SH3PXD2A: variants seen among roughly 807,000 people sequenced by gnomAD.
SH3PXD2A encodes SH3 and PX domains 2A.
In SH3PXD2A, 32 loss-of-function variants were observed where a neutral mutation model predicts 115.2. The observed-to-expected ratio is 0.28, with a 90% CI of 0.21 to 0.37. The LOEUF (loss-of-function observed/expected upper bound fraction) is 0.37, where lower values mean the gene tolerates loss of function less well. SH3PXD2A is among the 10% of genes least tolerant of loss of function. SH3PXD2A has a pLI of 1.00. For missense variants in SH3PXD2A, 1,328 were observed against 1,498.7 expected, an observed-to-expected ratio of 0.89 and a Z score of 1.88; for synonymous variants, 610 against 629.1, an observed-to-expected ratio of 0.97 and a Z score of 0.45.
intron 2 of SH3PXD2A, among the ~76,000 whole-genome samples, chr10:103,768,679 A>G (rs1343006546): frequency 6.6e-6 from 1 of 152,174 alleles, no homozygotes; most frequent in African/African-American, 2.4e-5. Flanking sequence ...AAGCAGGGAG[A>G]CCAGTTAGGA....
chr10:103,695,462 T>G (rs1379404703), intron 5 of SH3PXD2A, among the ~76,000 whole-genome samples: 3 of 148,472 alleles, frequency 2.0e-5, no homozygotes, highest in African/African-American at 7.5e-5. Context: ...TGGGCTGTGG[T>G]GGTGCCACTG....
chr10:103,720,878 C>T (rs1032570329), intron 5 of SH3PXD2A, among the ~76,000 whole-genome samples: 4 of 152,134 alleles, frequency 2.6e-5, no homozygotes, highest in Admixed American at 6.5e-5. Context: ...GTCCTGGAGG[C>T]GGAGCAGAGA....
At chr10:103,835,731 T>C (rs2039532757) in intron 1 of SH3PXD2A, among the ~76,000 whole-genome samples, 1 of 152,126 alleles carries the variant, frequency 6.6e-6, no homozygotes, top group Non-Finnish European at 1.5e-5. Flanking sequence ...TACCCTCCTC[T>C]GGGTCACAAC....
At chr10:103,733,678 A>T (rs2038349004) in intron 4 of SH3PXD2A, among the ~76,000 whole-genome samples, 1 of 152,276 alleles carries the variant, frequency 6.6e-6, no homozygotes, top group South Asian at 2.1e-4. Context: ...ACTTCAGTTT[A>T]ATGAAGACTA....
At chr10:103,775,562 G>A (rs1256219389) in intron 2 of SH3PXD2A, among the ~76,000 whole-genome samples, 1 of 152,234 alleles carries the variant, frequency 6.6e-6, no homozygotes, top group East Asian at 1.9e-4. Context: ...AGGAATGGCA[G>A]GGACTTATGC....
chr10:103,808,633 G>A (rs1469006894), intron 1 of SH3PXD2A, among the ~76,000 whole-genome samples: 1 of 152,132 alleles, frequency 6.6e-6, no homozygotes, highest in African/African-American at 2.4e-5. Context: ...CACTAGCCTG[G>A]CGAGTCTGTG....
intron 5 of SH3PXD2A, among the ~76,000 whole-genome samples, chr10:103,703,601 C>G (rs2037945950): frequency 1.4e-5 from 2 of 143,130 alleles, no homozygotes; most frequent in African/African-American, 4.9e-5. Flanking sequence ...CTCAAAGGAG[C>G]TGTCCAGTAG....
intron 6 of SH3PXD2A, among the ~76,000 whole-genome samples, chr10:103,692,695 C>A (rs114659643): frequency 0.027 from 4,143 of 152,250 alleles, 196 homozygotes; most frequent in African/African-American, 0.093. Context: ...GGTGAAGGAC[C>A]CGGCTGCTCA....
chr10:103,835,666 G>A (rs145709271), intron 1 of SH3PXD2A, among the ~76,000 whole-genome samples: 3 of 152,078 alleles, frequency 2.0e-5, no homozygotes, highest in Non-Finnish European at 4.4e-5. Context: ...TCTTTTGGCC[G>A]CCCCCCCAAC....
rs1372399801 is a variant in SH3PXD2A at position 103,665,804 on chromosome 10, G to A, written c.472+2804C>T. ...CTGAGTGGGGAGGGGGCAGTGGAGG[G>A]AGCCTGGTGTCTTTAGATGAGGAGT... On this transcript the variant is annotated intron_variant, in intron 7 of 14. Transcript: ENST00000369774. This position sits in a 1 kb window ranked among gnomAD's most constrained non-coding sequence, Gnocchi z 4.0. Among the ~76,000 whole-genome samples the A allele has an allele frequency of 2.0e-5, 3 of 152,204 alleles. No individual in the cohort carries two copies. The highest frequency in any genetic ancestry group is 7.2e-5 in the African/African-American group (3 of 41,452).
intron 8 of SH3PXD2A, among the ~76,000 whole-genome samples, chr10:103,646,566 G>A (rs958735782): frequency 6.6e-6 from 1 of 152,136 alleles, no homozygotes; most frequent in Admixed American, 6.5e-5. Flanking sequence ...ACAGGGGAGA[G>A]GCCTGCAGAG....
Position 103,855,315 on chromosome 10 carries a change from C to T in SH3PXD2A, c.-49G>A. On this transcript the variant is annotated 5_prime_UTR_variant, in exon 1 of 15. Coordinates refer to ENST00000369774, the MANE Select transcript of SH3PXD2A (RefSeq NM_001394015.1). ...CCCCCGGCGGCGTCACCTTCTCATC[C>T]CGGCCGGGCTCCGGCTCCTTCTCCA... is the stretch of plus-strand genomic sequence containing the variant. 6.9e-7 allele frequency: 1 copy of T among 1,444,868 alleles called. No homozygotes were observed. The highest frequency in any genetic ancestry group is 9.3e-7 in the Non-Finnish European group (1 of 1,073,004). 89.5% of individuals were successfully genotyped at this position (1,444,868 alleles called of 1,614,324 possible). A position where few individuals can be genotyped will look rare whatever the true frequency, so the allele number is the denominator to read the frequency against.
At chr10:103,741,700 T>C (rs1425782802) in intron 3 of SH3PXD2A, among the ~76,000 whole-genome samples, 1 of 152,210 alleles carries the variant, frequency 6.6e-6, no homozygotes, top group East Asian at 1.9e-4. Context: ...CAGGTGGGCC[T>C]GGAGCCCACA....
At chr10:103,687,135 T>C (rs2037688671) in intron 6 of SH3PXD2A, among the ~76,000 whole-genome samples, 1 of 152,094 alleles carries the variant, frequency 6.6e-6, no homozygotes, top group African/African-American at 2.4e-5. Context: ...TGGGCCTGAG[T>C]CAGTAGCTGA....
intron 2 of SH3PXD2A, among the ~76,000 whole-genome samples, chr10:103,780,976 C>A (rs951329945): frequency 6.6e-6 from 1 of 152,174 alleles, no homozygotes; most frequent in African/African-American, 2.4e-5. Flanking sequence ...GCTTGTCCGT[C>A]CCTGCACACT....
chr10:103,621,078 G>C (rs1014602142), intron 10 of SH3PXD2A, among the ~76,000 whole-genome samples: 5 of 152,160 alleles, frequency 3.3e-5, no homozygotes, highest in Non-Finnish European at 7.3e-5. Context: ...TGGGACTGTG[G>C]ATATGTGGGT....
At position 103,836,334 on chromosome 10, in the gene SH3PXD2A, G is replaced by A. The variant is rs563126730; in HGVS notation, c.72+18861C>T. 7.3e-5 allele frequency among the ~76,000 whole-genome samples: 11 copies of A among 150,738 alleles called. No homozygotes were observed. The East Asian group carries it at 9.9e-4, about 14-fold the overall frequency. Reference sequence around the variant, plus strand: ...CACACACATCCTCCAGCACACACATGCACACACACACTGCACTCACAGCTA... The same window carrying A: ...CACACACATCCTCCAGCACACACATACACACACACACTGCACTCACAGCTA... On this transcript the variant is annotated intron_variant, in intron 1 of 14. Transcript: ENST00000369774.
At chr10:103,683,816 C>G (rs1475776707) in intron 6 of SH3PXD2A, among the ~76,000 whole-genome samples, 2 of 152,220 alleles carry the variant, frequency 1.3e-5, no homozygotes, top group Non-Finnish European at 2.9e-5. Flanking sequence ...AGGGCCATCT[C>G]CAGCCTCTCC....
chr10:103,622,657 G>T, intron 9 of SH3PXD2A, 104 bp from the exon 10 acceptor site: 1 of 684,020 alleles, frequency 1.5e-6, no homozygotes, highest in Non-Finnish European at 2.6e-6. Flanking sequence ...GGCACAGGGA[G>T]GGGAGGCCCA....
Sources: gnomAD v4.1 joint callset for allele counts (sites outside exome capture counted in the v4.1 genomes callset) on GRCh38, gnomAD v4.1.1 for gene constraint, Gnocchi (gnomAD v3.1) non-coding constraint, MANE v1.5 for transcripts, NCBI Gene and HGNC (gene_info 2026-07-23, HGNC 2026-07-21) for gene names.